Variants in UBE2U observed in about 807,000 individuals in gnomAD.
The protein encoded by UBE2U is ubiquitin conjugating enzyme E2 U.
In UBE2U, 39 loss-of-function variants were observed where a neutral mutation model predicts 41.2. That is an observed-to-expected ratio of 0.95 (90% CI 0.73 to 1.24). The LOEUF is 1.24. Ranked by LOEUF, UBE2U falls within the 50% of genes most tolerant of loss-of-function variation. The pLI is 0.00. For synonymous variants in UBE2U, 107 were observed against 117.8 expected (o/e 0.91, Z 0.60); for missense variants, 336 against 363.1 (o/e 0.93, Z 0.61).
intron 4 of UBE2U, 84 bp from the exon 5 acceptor site, chr1:64,214,731 T>C: frequency 2.1e-6 from 2 of 973,376 alleles, no homozygotes; most frequent in East Asian, 4.8e-5. Context: ...TACATGCTTA[T>C]TGAAAGTTGT....
At chr1:64,210,225 T>C (rs1569954178) in intron 3 of UBE2U, among the ~76,000 whole-genome samples, 2 of 152,362 alleles carry the variant, frequency 1.3e-5, no homozygotes, top group South Asian at 4.1e-4. Flanking sequence ...TATTTAACTC[T>C]ATTATTTTTT....
chr1:64,224,318 A>C (rs965036576), intron 6 of UBE2U, among the ~76,000 whole-genome samples: 1 of 152,242 alleles, frequency 6.6e-6, no homozygotes, highest in African/African-American at 2.4e-5. Context: ...ATACATCATG[A>C]GAAATTGAAA....
At chr1:64,231,861 A>T (rs1428089805) in intron 6 of UBE2U, among the ~76,000 whole-genome samples, 1 of 152,222 alleles carries the variant, frequency 6.6e-6, no homozygotes, top group Non-Finnish European at 1.5e-5. Flanking sequence ...TGTCTGAAAA[A>T]ATATGCTTAA....
In UBE2U at chr1:64,249,030, A is replaced by G. The variant is rs544538603; in HGVS notation, c.677+7297A>G. On this transcript the variant is annotated intron_variant, in intron 8 of 9. Transcript: ENST00000371077. ...ATCAGATTTAAAGAAACATAACAAA[A>G]TTTAGCACCTAATAACCTAAAATTT... is the stretch of plus-strand genomic sequence containing the variant. 1.2e-4 allele frequency among the ~76,000 whole-genome samples: 19 copies of G among 152,306 alleles called. No homozygotes were observed. In the South Asian group the frequency reaches 3.7e-3, roughly 30 times the overall value.
At chr1:64,239,090 G>GAAAGAAGAAGAAGAAGAAGAAGAAGA (rs1557729590) in intron 7 of UBE2U, among the ~76,000 whole-genome samples, 2 of 48,120 alleles carry the variant, frequency 4.2e-5, no homozygotes, top group African/African-American at 1.6e-4. Context: ...GGAAGAGGAA[G>GAAAGAAGAAGAAGAAGAAGAAGAAGA]AGGAAGAAGA....
At position 64,253,958 on chromosome 1, in the gene UBE2U, C is replaced by T. The variant is rs536749422; in HGVS notation, c.678-6645C>T. Among the ~76,000 whole-genome samples the T allele has an allele frequency of 3.3e-5, 5 of 152,200 alleles. No individual in the cohort carries two copies. In the South Asian group the frequency reaches 1.0e-3, roughly 32 times the overall value. On this transcript the variant is annotated intron_variant, in intron 8 of 9. Transcript: ENST00000371077. ...TGTGCTAAACGCCCCAAATAGAAGA[C>T]ATAGAGTGGCAAGCTGAATAAGGAG...
At chr1:64,216,438 T>C (rs1652019713) in intron 5 of UBE2U, among the ~76,000 whole-genome samples, 1 of 152,238 alleles carries the variant, frequency 6.6e-6, no homozygotes, top group Non-Finnish European at 1.5e-5. Flanking sequence ...TTGTAAAAGC[T>C]GTTTTCAAAT....
chr1:64,253,237 C>A (rs199788291), intron 8 of UBE2U, among the ~76,000 whole-genome samples: 1 of 152,148 alleles, frequency 6.6e-6, no homozygotes, highest in East Asian at 1.9e-4. Context: ...AAGGAATGAA[C>A]AAAAACTCTG....
intron 6 of UBE2U, among the ~76,000 whole-genome samples, chr1:64,224,351 T>A (rs825164): frequency 0.013 from 1,937 of 152,298 alleles, 29 homozygotes; most frequent in African/African-American, 0.044. Flanking sequence ...ACAAAACTGA[T>A]TAAGTAAACA....
Position 64,239,147 on chromosome 1 carries a change from G to GAA in UBE2U, c.596-2504_596-2503dup, listed in dbSNP as rs1221111528. ...AGAAGAAGAAGAAGAAGAAGAAGAA[G>GAA]AAGAAGAAGAAAGAAGAAGAAGAAG... is the stretch of plus-strand genomic sequence containing the variant. On this transcript the variant is annotated intron_variant, in intron 7 of 9. Coordinates refer to ENST00000371077, the MANE Select transcript of UBE2U (RefSeq NM_001366232.2). Among the ~76,000 whole-genome samples the GAA allele has an allele frequency of 1.2e-3, 32 of 27,014 alleles. 1 individual carries two copies. The highest frequency in any genetic ancestry group is 7.6e-3 in the South Asian group (3 of 396). The allele number at this position is 27,014 out of a possible 152,430, so 17.7% of individuals were successfully genotyped here.
intron 5 of UBE2U, among the ~76,000 whole-genome samples, chr1:64,219,725 A>T (rs903638441): frequency 6.6e-6 from 1 of 151,606 alleles, no homozygotes; most frequent in African/African-American, 2.4e-5. Context: ...CCTCCCAAGT[A>T]GCTGGGACTA....
chr1:64,219,318 CT>C (rs35441650), intron 5 of UBE2U, among the ~76,000 whole-genome samples: 26,371 of 150,976 alleles, frequency 0.17, 2,766 homozygotes, highest in Non-Finnish European at 0.24. Flanking sequence ...GTGATTTATT[CT>C]TTTTTTTTCT....
At chr1:64,208,063 T>C (rs1184187825) in intron 3 of UBE2U, among the ~76,000 whole-genome samples, 1 of 151,750 alleles carries the variant, frequency 6.6e-6, no homozygotes, top group Non-Finnish European at 1.5e-5. Flanking sequence ...ACTAAGAAAA[T>C]AAAAGCAAAT....
chr1:64,244,799 G>A (rs1468477385), intron 8 of UBE2U, among the ~76,000 whole-genome samples: 2 of 152,166 alleles, frequency 1.3e-5, no homozygotes, highest in East Asian at 1.9e-4. Flanking sequence ...GGGCAGGGAT[G>A]TTTGTGTCCC....
At chr1:64,248,644 A>G (rs1363481717) in intron 8 of UBE2U, among the ~76,000 whole-genome samples, 1 of 151,958 alleles carries the variant, frequency 6.6e-6, no homozygotes, top group Non-Finnish European at 1.5e-5. Context: ...GACATTAAAA[A>G]TTTTTGTTTT....
intron 5 of UBE2U, among the ~76,000 whole-genome samples, chr1:64,220,463 G>A (rs940939785): frequency 2.0e-5 from 3 of 152,078 alleles, no homozygotes; most frequent in African/African-American, 4.8e-5. Context: ...TCCTTCTTGC[G>A]TGAGCAGTGG....
At chr1:64,232,828 T>A (rs772319534) in intron 7 of UBE2U, among the ~76,000 whole-genome samples, 179 bp downstream of exon 7, 5 of 152,004 alleles carry the variant, frequency 3.3e-5, no homozygotes, top group East Asian at 3.9e-4. Flanking sequence ...CAAAAAAAAA[T>A]AATTTTAACT....
At chr1:64,259,800 T>C (rs188410782) in intron 8 of UBE2U, among the ~76,000 whole-genome samples, 43 of 152,236 alleles carry the variant, frequency 2.8e-4, no homozygotes, top group African/African-American at 1.0e-3. Flanking sequence ...CCCATAAGCC[T>C]GTTGTTTTAT....
chr1:64,219,522 T>G (rs1230689531), intron 5 of UBE2U, among the ~76,000 whole-genome samples: 1 of 152,128 alleles, frequency 6.6e-6, no homozygotes, highest in African/African-American at 2.4e-5. Context: ...TCTCTTCATT[T>G]TCCCTATTGA....
Sources: allele counts gnomAD v4.1 joint callset (sites outside exome capture counted in the v4.1 genomes callset), GRCh38; gene constraint gnomAD v4.1.1; transcripts MANE v1.5; gene names NCBI Gene and HGNC (gene_info 2026-07-23, HGNC 2026-07-21).